The following ADAMTS9 variants were observed in gnomAD, a reference collection of about 807,000 sequenced individuals.
The protein encoded by ADAMTS9 is ADAM metallopeptidase with thrombospondin type 1 motif 9, also known as A disintegrin and metalloproteinase with thrombospondin motifs 9.
A neutral mutation model predicts 257.1 loss-of-function variants in ADAMTS9; 107 were observed. That is an observed-to-expected ratio of 0.42 (90% confidence interval 0.36 to 0.49). The LOEUF (loss-of-function observed/expected upper bound fraction) is 0.49. ADAMTS9 is among the 20% of genes least tolerant of loss of function. The probability of loss-of-function intolerance (pLI) is 0.03; values close to 1 mark genes in which losing one functional copy is unlikely to be tolerated. For synonymous variants in ADAMTS9, 982 were observed against 880.9 expected (o/e 1.11, Z -2.03); for missense variants, 2,353 against 2,469.1 (o/e 0.95, Z 1.00).
chr3:64,614,350 C>T, intron 21 of ADAMTS9, among the ~76,000 whole-genome samples: 1 of 152,280 alleles, frequency 6.6e-6, no homozygotes, highest in East Asian at 1.9e-4. Context: ...GTTTGCAGTT[C>T]ATTTGTCCAG....
At chr3:64,517,416 G>GTTTTTTTTTTTGTTTTT (rs2082789722) in intron 39 of ADAMTS9, among the ~76,000 whole-genome samples, 1 of 52,638 alleles carries the variant, frequency 1.9e-5, no homozygotes, top group African/African-American at 5.3e-5. Context: ...ATTAAAAATG[G>GTTTTTTTTTTTGTTTTT]TTTTTTTTTT....
At chr3:64,630,553 G>C (rs547417385) in intron 16 of ADAMTS9, among the ~76,000 whole-genome samples, 2 of 152,208 alleles carry the variant, frequency 1.3e-5, no homozygotes, top group Non-Finnish European at 2.9e-5. Flanking sequence ...CTCCAGCCTC[G>C]GTGACAGAGT....
At chr3:64,561,876 C>T (rs999869631) in intron 29 of ADAMTS9, 125 bp from the exon 30 acceptor site, 70 of 811,194 alleles carry the variant, frequency 8.6e-5, no homozygotes, top group Non-Finnish European at 1.2e-4. Context: ...GCTATCACAT[C>T]GCTTTCTAAT....
chr3:64,605,826 T>C (rs555854628), intron 23 of ADAMTS9, among the ~76,000 whole-genome samples: 1 of 152,206 alleles, frequency 6.6e-6, no homozygotes, highest in Non-Finnish European at 1.5e-5. Flanking sequence ...TGTACATATA[T>C]GCTTATTTAT....
intron 38 of ADAMTS9, among the ~76,000 whole-genome samples, chr3:64,530,248 C>T (rs1354130154): frequency 6.6e-6 from 1 of 151,924 alleles, no homozygotes; most frequent in Non-Finnish European, 1.5e-5. Flanking sequence ...TTAGTCCCAC[C>T]TCACATGCTA....
At chr3:64,552,734 T>C (rs2083285686) in intron 30 of ADAMTS9, among the ~76,000 whole-genome samples, 1 of 152,168 alleles carries the variant, frequency 6.6e-6, no homozygotes, top group South Asian at 2.1e-4. Flanking sequence ...ATTTTTAAAT[T>C]TTTTGTAGAG....
chr3:64,652,227 T>C (rs1197665996), intron 8 of ADAMTS9, among the ~76,000 whole-genome samples: 2 of 152,242 alleles, frequency 1.3e-5, no homozygotes, highest in African/African-American at 2.4e-5. Context: ...ACTTGCATCA[T>C]ATAAAAGTTG....
chr3:64,586,135 C>T (rs991560852), intron 28 of ADAMTS9, among the ~76,000 whole-genome samples: 1 of 152,058 alleles, frequency 6.6e-6, no homozygotes, highest in African/African-American at 2.4e-5. Flanking sequence ...ACCTAGAGAC[C>T]ACTACTGAGC....
intron 29 of ADAMTS9, among the ~76,000 whole-genome samples, chr3:64,567,431 A>C (rs2083572374): frequency 6.6e-6 from 1 of 152,220 alleles, no homozygotes; most frequent in Non-Finnish European, 1.5e-5. Flanking sequence ...TAAATACAGA[A>C]TGTTTTAAAA....
At chr3:64,588,362 C>A in intron 28 of ADAMTS9, 1 of 152,034 alleles carries the variant, frequency 6.6e-6, no homozygotes, top group East Asian at 1.9e-4. Context: ...GTATCCTTAG[C>A]ACCTGGAACA....
intron 16 of ADAMTS9, among the ~76,000 whole-genome samples, chr3:64,625,353 T>G (rs1331413882): frequency 3.9e-5 from 6 of 152,160 alleles, no homozygotes. Flanking sequence ...AGGTGACACA[T>G]TATCTTTCAC....
chr3:64,525,698 C>G (rs1463809880), intron 38 of ADAMTS9, among the ~76,000 whole-genome samples: 1 of 151,906 alleles, frequency 6.6e-6, no homozygotes, highest in Non-Finnish European at 1.5e-5. Flanking sequence ...GCAACCTCCA[C>G]CTCCCGGGTT....
At chr3:64,613,575 T>C in intron 21 of ADAMTS9, 66 bp from the exon 22 acceptor site, 5 of 1,508,042 alleles carry the variant, frequency 3.3e-6, no homozygotes, top group South Asian at 1.3e-5. Flanking sequence ...CTGGGGTTAT[T>C]TATTGATGAG....
At chr3:64,621,745 G>A (rs1315479389) in intron 18 of ADAMTS9, among the ~76,000 whole-genome samples, 1 of 144,702 alleles carries the variant, frequency 6.9e-6, no homozygotes, top group Non-Finnish European at 1.5e-5. Context: ...CTGGGCGACA[G>A]ACCAAGACTC....
intron 3 of ADAMTS9, among the ~76,000 whole-genome samples, chr3:64,660,211 T>C (rs1329730518): frequency 6.6e-6 from 1 of 152,226 alleles, no homozygotes; most frequent in African/African-American, 2.4e-5. Flanking sequence ...GAAGTATGCT[T>C]ACCTAACACA....
chr3:64,613,288 C>A, intron 22 of ADAMTS9, 57 bp downstream of exon 22: 4 of 1,577,942 alleles, frequency 2.5e-6, no homozygotes, highest in Non-Finnish European at 3.4e-6. Flanking sequence ...CTTTGCAAGT[C>A]CTCTCCAGAT....
At position 64,655,585 on chromosome 3, in the gene ADAMTS9, A is replaced by T; in HGVS notation, c.1160T>A (p.Leu387His). 6.2e-7 allele frequency: 1 copy of T among 1,612,758 alleles called. No homozygotes were observed. Among genetic ancestry groups the T allele is most frequent in the Non-Finnish European group, 8.5e-7 (1 of 1,178,764 alleles). The change falls in exon 6 of 40, where the codon CTC becomes CAC. Residue 387 changes from leucine (L) to histidine (H), a missense_variant. Physicochemically the swap from Leu to His is moderately conservative, Grantham distance 99. Around this residue, in one of 3 missense-constraint regions of ADAMTS9, gnomAD observed 591 missense variants for 569.6 expected, o/e 1.04. Transcript: ENST00000498707. ...PGGIHHDTAV[L>H]LTRQDICRAH... ...TAAGAAATCCATATACCTTGTTAAG[A>T]GAACAGCAGTATCATGATGGATTCC...
At chr3:64,559,466 G>T (rs555893677) in intron 30 of ADAMTS9, among the ~76,000 whole-genome samples, 4 of 152,328 alleles carry the variant, frequency 2.6e-5, no homozygotes, top group African/African-American at 9.6e-5. Context: ...AGATGAGAAA[G>T]CGTGTTCCCA....
At chr3:64,648,689 C>G (rs1214631038) in intron 10 of ADAMTS9, among the ~76,000 whole-genome samples, 1 of 152,100 alleles carries the variant, frequency 6.6e-6, no homozygotes, top group African/African-American at 2.4e-5. Context: ...CTTTTTCTCC[C>G]CTTTTAGAGT....
Sources: gnomAD v4.1 joint callset for allele counts (sites outside exome capture counted in the v4.1 genomes callset) on GRCh38, gnomAD v4.1.1 for gene constraint, gnomAD v4.1.1 regional missense constraint, MANE v1.5 for transcripts, NCBI Gene and HGNC (gene_info 2026-07-23, HGNC 2026-07-21) for gene names.